Variants in HRH1 observed in about 807,000 individuals in gnomAD.
HRH1 encodes the protein histamine receptor H1.
Under a neutral mutation model 10.3 loss-of-function variants are expected in HRH1, and 6 were observed. The ratio of observed to expected loss-of-function variants is 0.58; its 90% CI spans 0.32 to 1.15. The LOEUF (loss-of-function observed/expected upper bound fraction) is 1.15. HRH1 is among the 50% of genes most tolerant of loss of function. The pLI is 0.05. For missense variants in HRH1, 514 were observed against 615.3 expected (o/e 0.84, Z 1.74); for synonymous variants, 242 against 236.7 (o/e 1.02, Z -0.21).
At chr3:11,258,050 A>G (rs902699530) in intron 1 of HRH1, among the ~76,000 whole-genome samples, 2 of 152,230 alleles carry the variant, frequency 1.3e-5, no homozygotes, top group Non-Finnish European at 2.9e-5. Flanking sequence ...TTTTTCAAAT[A>G]GAAAAGTAAA....
chr3:11,234,446 G>T, intron 1 of HRH1: 1 of 1,597,252 alleles, frequency 6.3e-7, no homozygotes, highest in African/African-American at 1.3e-5. Context: ...GATCTCCTCC[G>T]TGCTATAGTG....
At chr3:11,222,600 A>G (rs1440270010) in intron 1 of HRH1, among the ~76,000 whole-genome samples, 1 of 152,150 alleles carries the variant, frequency 6.6e-6, no homozygotes, top group Admixed American at 6.5e-5. Context: ...TGAAGCAGAT[A>G]GCCACTGAGA....
chr3:11,246,865 G>A (rs1939504189), intron 1 of HRH1, among the ~76,000 whole-genome samples: 1 of 152,126 alleles, frequency 6.6e-6, no homozygotes, highest in Non-Finnish European at 1.5e-5. Flanking sequence ...GGGCAATACA[G>A]TGAGACCCTC....
At chr3:11,202,225 G>A (rs1320376443) in intron 1 of HRH1, among the ~76,000 whole-genome samples, 2 of 152,014 alleles carry the variant, frequency 1.3e-5, no homozygotes, top group Non-Finnish European at 2.9e-5. Context: ...CCAACATGGC[G>A]AAACCCTGTC....
At chr3:11,188,586 C>G (rs1368443199) in intron 1 of HRH1, among the ~76,000 whole-genome samples, 1 of 151,952 alleles carries the variant, frequency 6.6e-6, no homozygotes, top group Non-Finnish European at 1.5e-5. Context: ...GATACACACC[C>G]AAAGATTTAT....
intron 1 of HRH1, among the ~76,000 whole-genome samples, chr3:11,157,588 G>A (rs1344291942): frequency 6.6e-6 from 1 of 152,198 alleles, no homozygotes; most frequent in African/African-American, 2.4e-5. Flanking sequence ...TACTCTTCGG[G>A]AGCAATGCTG....
chr3:11,153,219 T>C (rs1223609545), upstream of HRH1, among the ~76,000 whole-genome samples: 1 of 152,134 alleles, frequency 6.6e-6, no homozygotes, highest in Non-Finnish European at 1.5e-5. Flanking sequence ...ACCTGTAAAA[T>C]AGGGATAATA....
At chr3:11,176,441 A>G (rs1937250874) in intron 1 of HRH1, among the ~76,000 whole-genome samples, 2 of 151,996 alleles carry the variant, frequency 1.3e-5, no homozygotes, top group South Asian at 4.2e-4. Context: ...ACCCCGCCCC[A>G]TTGTGCACTG....
intron 1 of HRH1, among the ~76,000 whole-genome samples, chr3:11,246,490 T>C (rs948211872): frequency 2.0e-5 from 3 of 152,232 alleles, no homozygotes; most frequent in Non-Finnish European, 4.4e-5. Context: ...TTGGAATTTA[T>C]GCAAGGAAAA....
intron 1 of HRH1, among the ~76,000 whole-genome samples, chr3:11,243,989 C>A (rs1291597607): frequency 6.6e-6 from 1 of 152,154 alleles, no homozygotes; most frequent in Non-Finnish European, 1.5e-5. Context: ...AATTAGGATT[C>A]GAGTTGGCTG....
rs140333535 is a variant in HRH1 at position 11,230,811 on chromosome 3, G to C, written c.-35-28192G>C. 1.9e-3 allele frequency among the ~76,000 whole-genome samples: 296 copies of C among 152,160 alleles called. 2 individuals are homozygous for C. Among genetic ancestry groups the C allele is most frequent in the African/African-American group, 6.8e-3 (281 of 41,466 alleles). ...CAATATGAGTTTTTTTTTACATTAA[G>C]CCTTTTAGGAACACTCAGTTGTAGG... On this transcript the variant is annotated intron_variant, in intron 1 of 1. Transcript: ENST00000431010.
At chr3:11,243,308 G>A (rs1939398641) in intron 1 of HRH1, among the ~76,000 whole-genome samples, 1 of 152,212 alleles carries the variant, frequency 6.6e-6, no homozygotes, top group African/African-American at 2.4e-5. Context: ...ATGATGGCAA[G>A]CGAAAATGCA....
intron 1 of HRH1, among the ~76,000 whole-genome samples, chr3:11,170,361 T>C (rs1159708962): frequency 1.3e-5 from 2 of 152,276 alleles, no homozygotes; most frequent in Non-Finnish European, 2.9e-5. Flanking sequence ...TGCTGAACTC[T>C]TCCCTTGGAG....
At position 11,228,927 on chromosome 3, in the gene HRH1, A is replaced by G. The variant is rs889550052; in HGVS notation, c.-35-30076A>G. 6.6e-5 allele frequency among the ~76,000 whole-genome samples: 10 copies of G among 151,520 alleles called. No homozygotes were observed. The East Asian group carries it at 1.2e-3, about 18-fold the overall frequency. ...AGAGTATGTCAAAAAAAAAAAAAAA[A>G]AGAATATAGTGGTAAATGCCTTAAT... On this transcript the variant is annotated intron_variant, in intron 1 of 1. Coordinates refer to ENST00000431010, the MANE Select transcript of HRH1 (RefSeq NM_001098212.2).
intron 1 of HRH1, among the ~76,000 whole-genome samples, chr3:11,180,993 A>ACACACACACACACACACACACACACC (rs1937341668): frequency 6.8e-6 from 1 of 147,146 alleles, no homozygotes; most frequent in Admixed American, 6.7e-5. Context: ...ACACACACAC[A>ACACACACACACACACACACACACACC]CACACACGGC....
At chr3:11,242,764 G>A (rs913328970) in intron 1 of HRH1, among the ~76,000 whole-genome samples, 3 of 152,116 alleles carry the variant, frequency 2.0e-5, no homozygotes, top group African/African-American at 7.2e-5. Flanking sequence ...TAGAAAAGTG[G>A]ACCAAAAGGT....
intron 1 of HRH1, among the ~76,000 whole-genome samples, chr3:11,230,644 ACT>A (rs1488379607): frequency 1.3e-5 from 2 of 152,046 alleles, no homozygotes; most frequent in African/African-American, 4.8e-5. Context: ...TTTTAATGAG[ACT>A]CTCAGAAAAC....
At chr3:11,181,974 C>T (rs760204272) in intron 1 of HRH1, among the ~76,000 whole-genome samples, 1 of 151,580 alleles carries the variant, frequency 6.6e-6, no homozygotes, top group Non-Finnish European at 1.5e-5. Context: ...ATTGTTCATG[C>T]ATAAAAATTC....
At chr3:11,193,548 G>A (rs78192089) in intron 1 of HRH1, among the ~76,000 whole-genome samples, 6 of 151,810 alleles carry the variant, frequency 4.0e-5, no homozygotes, top group East Asian at 1.9e-4. Flanking sequence ...TTCATAGACC[G>A]AACCTTCTCA....
Sources: gnomAD v4.1 joint callset for allele counts (sites outside exome capture counted in the v4.1 genomes callset) on GRCh38, gnomAD v4.1.1 for gene constraint, MANE v1.5 for transcripts, NCBI Gene and HGNC (gene_info 2026-07-23, HGNC 2026-07-21) for gene names.